DRC8: variants seen among roughly 807,000 people sequenced by gnomAD.
DRC8 encodes dynein regulatory complex subunit 8.
the DRC8 span, chr1:245,086,668 G>A: frequency 3.8e-6 from 2 of 521,696 alleles, no homozygotes; most frequent in Non-Finnish European, 7.9e-6. Flanking sequence ...TTCTATGCCA[G>A]GTACTGTTCT....
chr1:245,118,434 A>G, the DRC8 span, among the ~76,000 whole-genome samples: 39 of 152,170 alleles, frequency 2.6e-4, no homozygotes, highest in Non-Finnish European at 4.3e-4. Flanking sequence ...ACCATGTGTC[A>G]CCTTGTGGAG....
the DRC8 span, among the ~76,000 whole-genome samples, chr1:245,041,158 C>G: frequency 6.6e-6 from 1 of 152,054 alleles, no homozygotes; most frequent in African/African-American, 2.4e-5. Context: ...CTGTGTGAAG[C>G]AGGGGAGAGC....
At chr1:245,105,918 A>T in the DRC8 span, among the ~76,000 whole-genome samples, 1 of 152,174 alleles carries the variant, frequency 6.6e-6, no homozygotes, top group East Asian at 1.9e-4. Flanking sequence ...CTCTACAAAA[A>T]TTTTTAAAAA....
chr1:245,070,773 A>C, the DRC8 span, among the ~76,000 whole-genome samples: 1 of 152,234 alleles, frequency 6.6e-6, no homozygotes, highest in Non-Finnish European at 1.5e-5. Flanking sequence ...TGCCCCTTCA[A>C]AATTCATATG....
At chr1:245,074,815 T>A in the DRC8 span, among the ~76,000 whole-genome samples, 1 of 152,238 alleles carries the variant, frequency 6.6e-6, no homozygotes, top group South Asian at 2.1e-4. Flanking sequence ...CTATTCAAGG[T>A]AGAGAAATAT....
At chr1:244,976,140 T>G in the DRC8 span, among the ~76,000 whole-genome samples, 102,910 of 151,628 alleles carry the variant, frequency 0.68, 36,334 homozygotes, top group East Asian at 1. Context: ...GTGGTGGTGG[T>G]TGCCTGTTAT....
chr1:245,092,133 TC>T, the DRC8 span, among the ~76,000 whole-genome samples: 2 of 152,192 alleles, frequency 1.3e-5, no homozygotes, highest in Admixed American at 6.5e-5. Context: ...GCGCTTCACT[TC>T]CTGTGCACCT....
chr1:244,974,556 C>T, the DRC8 span, among the ~76,000 whole-genome samples: 3 of 152,090 alleles, frequency 2.0e-5, no homozygotes, highest in African/African-American at 4.8e-5. Flanking sequence ...TTCATTGTGC[C>T]ACTCTTTTGA....
the DRC8 span, among the ~76,000 whole-genome samples, chr1:245,117,784 C>A: frequency 6.6e-3 from 1,000 of 152,186 alleles, 10 homozygotes; most frequent in African/African-American, 0.023. Context: ...GCCTGGCCAA[C>A]GTGGCAAAAC....
chr1:245,014,053 A>C, the DRC8 span, among the ~76,000 whole-genome samples: 14 of 134,424 alleles, frequency 1.0e-4, no homozygotes, highest in Non-Finnish European at 2.0e-4. Flanking sequence ...AAAAAAAGAC[A>C]AAAAAAAAGA....
At chr1:245,111,026 A>C in the DRC8 span, among the ~76,000 whole-genome samples, 1 of 152,334 alleles carries the variant, frequency 6.6e-6, no homozygotes, top group South Asian at 2.1e-4. Context: ...TTAAAAAAAA[A>C]CTACATGTGC....
At chr1:245,077,166 T>C in the DRC8 span, among the ~76,000 whole-genome samples, 2 of 152,134 alleles carry the variant, frequency 1.3e-5, no homozygotes, top group Non-Finnish European at 2.9e-5. Context: ...AGAGCCGCTT[T>C]GATAGTGCAC....
chr1:245,121,522 T>C, the DRC8 span, among the ~76,000 whole-genome samples: 8 of 152,308 alleles, frequency 5.3e-5, no homozygotes, highest in Non-Finnish European at 8.8e-5. Context: ...CAGGAAACAA[T>C]ACCTCTATCC....
At chr1:245,100,777 G>A in the DRC8 span, among the ~76,000 whole-genome samples, 1 of 148,832 alleles carries the variant, frequency 6.7e-6, no homozygotes, top group South Asian at 2.1e-4. Flanking sequence ...GTGAGACCCT[G>A]TCTCAACAAA....
the DRC8 span, among the ~76,000 whole-genome samples, chr1:245,003,257 T>C: frequency 6.6e-6 from 1 of 151,322 alleles, no homozygotes; most frequent in South Asian, 2.1e-4. Flanking sequence ...CACTGGTGTG[T>C]AAGTATCTGT....
the DRC8 span, among the ~76,000 whole-genome samples, chr1:245,050,134 C>T: frequency 6.6e-6 from 1 of 152,208 alleles, no homozygotes; most frequent in African/African-American, 2.4e-5. Flanking sequence ...CCTGGAAGAC[C>T]TAGAGAAGAT....
At chr1:245,087,838 T>G in the DRC8 span, 756,603 of 768,228 alleles carry the variant, frequency 0.98, 373,363 homozygotes, top group East Asian at 1. Flanking sequence ...ATTACTAATT[T>G]ATTTTTTTAT....
the DRC8 span, among the ~76,000 whole-genome samples, chr1:244,980,399 C>T: frequency 6.6e-6 from 1 of 151,850 alleles, no homozygotes; most frequent in Admixed American, 6.6e-5. Flanking sequence ...TTTTTTTTAG[C>T]AAGAGACAAT....
chr1:245,071,405 G>T, the DRC8 span, among the ~76,000 whole-genome samples: 1 of 152,160 alleles, frequency 6.6e-6, no homozygotes, highest in African/African-American at 2.4e-5. Flanking sequence ...ATTCTGTTGA[G>T]GTCACAGACA....
Sources: allele counts gnomAD v4.1 joint callset (sites outside exome capture counted in the v4.1 genomes callset), GRCh38; gene constraint gnomAD v4.1.1; transcripts MANE v1.5; gene names NCBI Gene and HGNC (gene_info 2026-07-23, HGNC 2026-07-21).